Variants in SSH2 observed in about 807,000 individuals in gnomAD.
SSH2 encodes the protein protein phosphatase Slingshot homolog 2.
In SSH2, 37 loss-of-function variants were observed where a neutral mutation model predicts 135.2. The ratio of observed to expected loss-of-function variants is 0.27; its 90% confidence interval spans 0.21 to 0.36. The LOEUF is 0.36. SSH2 is among the 10% of genes least tolerant of loss of function. SSH2 has a pLI of 1.00. For synonymous variants in SSH2, 628 were observed against 646.2 expected, an observed-to-expected ratio of 0.97 and a Z score of 0.43; for missense variants, 1,408 against 1,765.3, an observed-to-expected ratio of 0.80 and a Z score of 3.63.
chr17:29,874,428 T>C (rs1394708928), intron 1 of SSH2, among the ~76,000 whole-genome samples: 1 of 152,220 alleles, frequency 6.6e-6, no homozygotes, highest in African/African-American at 2.4e-5. Context: ...TGAATTGTAC[T>C]CCCTATAACC....
chr17:29,636,062 G>A lies in SSH2; in HGVS notation c.2168C>T (p.Pro723Leu), dbSNP rs921485393. Residue 723 changes from proline to leucine, a missense_variant, in exon 15 of 16, where the codon CCT becomes CTT. This residue lies in a region of SSH2 where 1,080 missense variants were observed against 1,144.5 expected (regional missense o/e 0.94). Coordinates refer to ENST00000540801, the MANE Select transcript of SSH2 (RefSeq NM_001282129.2). ...SCRLSVVEVA[P>L]SKVTADDQRS... is the part of the protein sequence containing the mutation. ...CTGGTCATCAGCTGTCACTTTGGAA[G>A]GGGCTACTTCTACCACTGACAGTCG... 2 of 1,614,082 alleles carry A rather than the reference G, an allele frequency of 1.2e-6. No individual in the cohort carries two copies. Among genetic ancestry groups the A allele is most frequent in the Non-Finnish European group, 1.7e-6 (2 of 1,180,042 alleles).
intron 3 of SSH2, among the ~76,000 whole-genome samples, chr17:29,728,886 A>C (rs1401608998): frequency 6.6e-6 from 1 of 152,228 alleles, no homozygotes; most frequent in African/African-American, 2.4e-5. Flanking sequence ...CGCCATATAC[A>C]AAGTCAAATC....
chr17:29,759,043 CT>C (rs1188358864), intron 3 of SSH2, among the ~76,000 whole-genome samples: 23 of 150,754 alleles, frequency 1.5e-4, no homozygotes, highest in African/African-American at 5.4e-4. Flanking sequence ...TGTGCCTGGC[CT>C]TTTTAATTCT....
At chr17:29,687,505 C>T (rs1364818297) in intron 5 of SSH2, among the ~76,000 whole-genome samples, 1 of 152,082 alleles carries the variant, frequency 6.6e-6, no homozygotes, top group Non-Finnish European at 1.5e-5. Context: ...GGACTAAGAT[C>T]TAGAAGGCTG....
At chr17:29,809,085 CT>C (rs1407875031) in intron 2 of SSH2, among the ~76,000 whole-genome samples, 3 of 152,148 alleles carry the variant, frequency 2.0e-5, no homozygotes, top group African/African-American at 7.2e-5. Context: ...AAAACTTCGT[CT>C]CTACTAAAAA....
chr17:29,854,217 T>C (rs1225154192), intron 1 of SSH2, among the ~76,000 whole-genome samples: 1 of 151,936 alleles, frequency 6.6e-6, no homozygotes, highest in Non-Finnish European at 1.5e-5. Context: ...GAGCTCACAA[T>C]GAGTCATTCA....
chr17:29,687,188 G>C (rs75770945), intron 5 of SSH2, among the ~76,000 whole-genome samples: 1,712 of 152,170 alleles, frequency 0.011, 41 homozygotes, highest in African/African-American at 0.039. Context: ...CCAGGCCAAG[G>C]GAAAAAGAGG....
At chr17:29,734,695 T>C (rs1266163134) in intron 3 of SSH2, among the ~76,000 whole-genome samples, 1 of 152,212 alleles carries the variant, frequency 6.6e-6, no homozygotes, top group Non-Finnish European at 1.5e-5. Flanking sequence ...TACCCTAACA[T>C]TGCTTCATTT....
rs538473127 is a variant in SSH2 at position 29,684,472 on chromosome 17, T to C, written c.479+91A>G. On this transcript the variant is annotated intron_variant, in intron 6 of 15. Coordinates refer to ENST00000540801, the MANE Select transcript of SSH2 (RefSeq NM_001282129.2). ...AGTCTGGGCAACAGAGTGATGACAC[T>C]CCGTCCCCATTAAAAAAAAAAAAAA... The C allele has an allele frequency of 2.0e-5, 24 of 1,220,034 alleles. No homozygotes were observed. In the African/African-American group the frequency reaches 3.9e-4, roughly 20 times the overall value. The allele number at this position is 1,220,034 out of a possible 1,614,324, so 75.6% of individuals were successfully genotyped here. A position where few individuals can be genotyped will look rare whatever the true frequency, so the allele number is the denominator to read the frequency against.
At chr17:29,758,096 T>A (rs547130324) in intron 3 of SSH2, among the ~76,000 whole-genome samples, 1 of 151,776 alleles carries the variant, frequency 6.6e-6, no homozygotes, top group South Asian at 2.1e-4. Context: ...AGTGGGAAAA[T>A]AGAGACAAAA....
chr17:29,695,449 A>G lies in SSH2; in HGVS notation c.357+10T>C, dbSNP rs1464181120. 1 of 1,608,352 alleles carries G rather than the reference A, an allele frequency of 6.2e-7. No individual in the cohort carries two copies. On this transcript the variant is annotated intron_variant, in intron 5 of 15. Coordinates refer to ENST00000540801, the MANE Select transcript of SSH2 (RefSeq NM_001282129.2). ...TGAGGAAGAAAATTATGATGACACC[A>G]CTAACTTACCAGCCTGATGTTGTCT...
intron 1 of SSH2, among the ~76,000 whole-genome samples, chr17:29,878,596 G>A (rs1206104913): frequency 6.6e-6 from 1 of 151,974 alleles, no homozygotes; most frequent in Non-Finnish European, 1.5e-5. Flanking sequence ...GAAATAGATG[G>A]AAACAAAGAT....
chr17:29,630,699 A>G lies in SSH2; in HGVS notation c.*142T>C. The G allele has an allele frequency of 1.2e-6, 1 of 819,972 alleles. No individual in the cohort carries two copies. Among genetic ancestry groups the G allele is most frequent in the Non-Finnish European group, 1.9e-6 (1 of 529,622 alleles). The allele number at this position is 819,972 out of a possible 1,614,324, so 50.8% of individuals were successfully genotyped here. The stretch of plus-strand genomic sequence containing the variant: ...TATACACACACATACACACTGAAAA[A>G]CACCCAAACCCTGCATGCACCAGAA... On this transcript the variant is annotated 3_prime_UTR_variant, in exon 16 of 16. Transcript: ENST00000540801.
At chr17:29,767,364 G>A (rs78631860) in intron 3 of SSH2, among the ~76,000 whole-genome samples, 3,830 of 124,276 alleles carry the variant, frequency 0.031, 161 homozygotes, top group African/African-American at 0.12. Flanking sequence ...CTCTTTAAAC[G>A]TTTTCTTTTT....
intron 3 of SSH2, among the ~76,000 whole-genome samples, chr17:29,766,938 A>G (rs775189512): frequency 6.6e-6 from 1 of 152,226 alleles, no homozygotes; most frequent in African/African-American, 2.4e-5. Flanking sequence ...GGCATTCTTT[A>G]TATAATACAA....
chr17:29,924,514 A>G (rs552832213), intron 1 of SSH2, among the ~76,000 whole-genome samples: 1 of 152,326 alleles, frequency 6.6e-6, no homozygotes, highest in South Asian at 2.1e-4. Context: ...ATGATGATTC[A>G]GAATCATCAT....
intron 1 of SSH2, among the ~76,000 whole-genome samples, chr17:29,904,584 A>G (rs983621302): frequency 2.0e-5 from 3 of 152,152 alleles, no homozygotes; most frequent in Admixed American, 6.5e-5. Flanking sequence ...CCCCTTGAAA[A>G]CCGGCACAAG....
At chr17:29,731,776 A>G (rs921997560) in intron 3 of SSH2, among the ~76,000 whole-genome samples, 1 of 152,186 alleles carries the variant, frequency 6.6e-6, no homozygotes, top group African/African-American at 2.4e-5. Context: ...TTATGTCACA[A>G]TGGGCTGGGC....
chr17:29,671,195 T>C (rs945514594), intron 9 of SSH2, among the ~76,000 whole-genome samples: 2 of 152,138 alleles, frequency 1.3e-5, no homozygotes, highest in African/African-American at 4.8e-5. Flanking sequence ...AGTTAAAAAT[T>C]AGCAGGCTGG....
Sources: allele counts gnomAD v4.1 joint callset (sites outside exome capture counted in the v4.1 genomes callset), GRCh38; gene constraint gnomAD v4.1.1; regional missense constraint gnomAD v4.1.1; transcripts MANE v1.5; gene names NCBI Gene and HGNC (gene_info 2026-07-23, HGNC 2026-07-21).